ANKRD44: variants seen among roughly 807,000 people sequenced by gnomAD.
ANKRD44 encodes ankyrin repeat domain 44, also known as serine/threonine-protein phosphatase 6 regulatory ankyrin repeat subunit B.
Under a neutral mutation model 116.0 loss-of-function variants are expected in ANKRD44, and 35 were observed. The ratio of observed to expected loss-of-function variants is 0.30; its 90% confidence interval spans 0.23 to 0.40. The LOEUF (loss-of-function observed/expected upper bound fraction) is 0.40. Among genes scored for constraint, ANKRD44 ranks in the 10% least tolerant of loss-of-function variants. ANKRD44 has a pLI of 1.00. For missense variants in ANKRD44, 1,014 were observed against 1,242.6 expected, an observed-to-expected ratio of 0.82 and a Z score of 2.77; for synonymous variants, 435 against 461.8, an observed-to-expected ratio of 0.94 and a Z score of 0.74.
Position 197,212,022 on chromosome 2 carries a change from CCTCT to C in ANKRD44, c.28-24920_28-24917del, listed in dbSNP as rs5837530. 3.4e-5 allele frequency among the ~76,000 whole-genome samples: 5 copies of C among 148,600 alleles called. No homozygotes were observed. Among genetic ancestry groups the C allele is most frequent in the Non-Finnish European group, 7.4e-5 (5 of 67,698 alleles). On this transcript the variant is annotated intron_variant, in intron 1 of 27. Transcript: ENST00000282272. This position sits in a 1 kb window ranked among gnomAD's most constrained non-coding sequence, Gnocchi z 4.8. ...ATGCACGGGAATTCCCTTCACTGAG[CCTCT>C]CTCTCTCTCTCAGTCTCTCTCTCTC... is the stretch of plus-strand genomic sequence containing the variant.
At position 197,090,018 on chromosome 2, in the gene ANKRD44, C is replaced by T. The variant is rs1392348008; in HGVS notation, c.1115G>A (p.Ser372Asn). 2 of 1,613,806 alleles carry T rather than the reference C, an allele frequency of 1.2e-6. No homozygotes were observed. Among genetic ancestry groups the T allele is most frequent in the African/African-American group, 1.3e-5 (1 of 74,918 alleles). The change falls in exon 11 of 28, where the codon AGC becomes AAC. Residue 372 changes from serine (S) to asparagine (N), a missense_variant. Coordinates refer to ENST00000282272, the MANE Select transcript of ANKRD44 (RefSeq NM_001195144.2). ...GADTAKCGIH[S>N]MFPLHLAALN... ...GGCAGCTAAATGTAAAGGGAACATG[C>T]TATGGATTCCACACCTGAGGAGTAA...
intron 2 of ANKRD44, among the ~76,000 whole-genome samples, chr2:197,151,127 A>C (rs1293321829): frequency 2.0e-4 from 1 of 5,022 alleles, no homozygotes; most frequent in African/African-American, 2.1e-4. Flanking sequence ...AATATGCAAA[A>C]AAAAAAAAAA....
chr2:197,137,900 A>G (rs561056984), intron 3 of ANKRD44, among the ~76,000 whole-genome samples: 27 of 152,340 alleles, frequency 1.8e-4, no homozygotes, highest in African/African-American at 6.3e-4. Context: ...TAAGGACCAC[A>G]GTAAAATCAG....
At chr2:197,008,586 T>G (rs2076240716) in intron 19 of ANKRD44, among the ~76,000 whole-genome samples, 1 of 152,142 alleles carries the variant, frequency 6.6e-6, no homozygotes, top group Non-Finnish European at 1.5e-5. Flanking sequence ...AGAGATAACC[T>G]CATGAGGTCT....
At chr2:197,022,557 C>G (rs1041443125) in intron 17 of ANKRD44, among the ~76,000 whole-genome samples, 1 of 152,216 alleles carries the variant, frequency 6.6e-6, no homozygotes, top group Non-Finnish European at 1.5e-5. Context: ...CCACTCTGCT[C>G]CAGCCACAGT....
intron 16 of ANKRD44, among the ~76,000 whole-genome samples, chr2:197,050,406 A>G (rs1472777595): frequency 6.6e-6 from 1 of 151,684 alleles, no homozygotes; most frequent in East Asian, 1.9e-4. Flanking sequence ...CAAATTCACA[A>G]TATCATTGTT....
At chr2:197,137,166 G>C (rs1026316091) in intron 3 of ANKRD44, among the ~76,000 whole-genome samples, 3 of 152,196 alleles carry the variant, frequency 2.0e-5, no homozygotes, top group Non-Finnish European at 4.4e-5. Context: ...GAACAGCTAA[G>C]ACATCTGATA....
At chr2:197,149,603 C>G (rs568822184) in intron 2 of ANKRD44, among the ~76,000 whole-genome samples, 1 of 152,316 alleles carries the variant, frequency 6.6e-6, no homozygotes, top group African/African-American at 2.4e-5. Context: ...GACTTGTATT[C>G]AGGCAGTACT....
intron 2 of ANKRD44, among the ~76,000 whole-genome samples, chr2:197,174,626 G>A (rs1003636619): frequency 2.0e-5 from 3 of 152,200 alleles, no homozygotes; most frequent in Admixed American, 1.3e-4. Context: ...GGAGAGAGGC[G>A]GGGAGGGAGG....
At chr2:197,130,446 G>T (rs893554993) in intron 4 of ANKRD44, among the ~76,000 whole-genome samples, 4 of 152,136 alleles carry the variant, frequency 2.6e-5, no homozygotes, top group African/African-American at 9.7e-5. Flanking sequence ...CTCGAAGTGT[G>T]GCATGTAGAC....
chr2:197,095,301 G>A (rs1199621144), intron 10 of ANKRD44, among the ~76,000 whole-genome samples: 8 of 152,198 alleles, frequency 5.3e-5, no homozygotes, highest in African/African-American at 1.9e-4. Context: ...GTACTGGCAT[G>A]GGCCAGTGAG....
At chr2:197,107,429 T>C (rs1197156967) in intron 9 of ANKRD44, among the ~76,000 whole-genome samples, 2 of 152,196 alleles carry the variant, frequency 1.3e-5, no homozygotes, top group Non-Finnish European at 2.9e-5. Context: ...GCTTTCCCTC[T>C]ATTGCTGTGA....
At position 196,988,108 on chromosome 2, in the gene ANKRD44, C is replaced by T. The variant is rs2075859911; in HGVS notation, c.*1483G>A. 4 of 985,312 alleles carry T rather than the reference C, an allele frequency of 4.1e-6. No individual in the cohort carries two copies. Among genetic ancestry groups the T allele is most frequent in the Non-Finnish European group, 3.6e-6 (3 of 829,904 alleles). 61.0% of individuals were successfully genotyped at this position (985,312 alleles called of 1,614,324 possible). A position where few individuals can be genotyped will look rare whatever the true frequency, so the allele number is the denominator to read the frequency against. On this transcript the variant is annotated 3_prime_UTR_variant, in exon 28 of 28. Coordinates refer to ENST00000282272, the MANE Select transcript of ANKRD44 (RefSeq NM_001195144.2). ...TCAAAACGCAGCTCCATGGAGATAA[C>T]GTCTCATGGTGAGTCACTGCTTTGC... is the stretch of plus-strand genomic sequence containing the variant.
At chr2:196,980,829 G>A (rs1052407524) in intron 21 of ANKRD44, among the ~76,000 whole-genome samples, 5 of 152,192 alleles carry the variant, frequency 3.3e-5, no homozygotes, top group Admixed American at 2.0e-4. Context: ...TCCTGGAACC[G>A]AATTTCAGCC....
chr2:197,103,908 C>T (rs1270633967), intron 9 of ANKRD44, among the ~76,000 whole-genome samples: 1 of 152,080 alleles, frequency 6.6e-6, no homozygotes, highest in African/African-American at 2.4e-5. Flanking sequence ...CCTACGTTCT[C>T]CTTTAATGTT....
chr2:197,271,790 T>C (rs2082905413), intron 1 of ANKRD44, among the ~76,000 whole-genome samples: 1 of 152,162 alleles, frequency 6.6e-6, no homozygotes, highest in African/African-American at 2.4e-5. Context: ...TTTGTAGAGA[T>C]GGAGTTTCAC....
At chr2:197,076,773 G>A (rs2077676727) in intron 16 of ANKRD44, among the ~76,000 whole-genome samples, 1 of 151,394 alleles carries the variant, frequency 6.6e-6, no homozygotes, top group Non-Finnish European at 1.5e-5. Flanking sequence ...TCTTGCTCCT[G>A]TGTTTGTTTG....
chr2:197,171,845 C>T (rs2080241778), intron 2 of ANKRD44, among the ~76,000 whole-genome samples: 1 of 152,062 alleles, frequency 6.6e-6, no homozygotes. Flanking sequence ...TGCTGTGAAC[C>T]TAAAACTGCT....
chr2:197,132,784 T>C (rs926065858), intron 4 of ANKRD44, among the ~76,000 whole-genome samples: 8 of 152,002 alleles, frequency 5.3e-5, no homozygotes, highest in Non-Finnish European at 1.0e-4. Flanking sequence ...ACCCAGTCTT[T>C]AATGAATAAC....
Sources: gnomAD v4.1 joint callset for allele counts (sites outside exome capture counted in the v4.1 genomes callset) on GRCh38, gnomAD v4.1.1 for gene constraint, Gnocchi (gnomAD v3.1) non-coding constraint, MANE v1.5 for transcripts, NCBI Gene and HGNC (gene_info 2026-07-23, HGNC 2026-07-21) for gene names.